The following OSBP2 variants were observed in gnomAD, a reference collection of about 807,000 sequenced individuals.
OSBP2 encodes the protein oxysterol binding protein 2.
Under a neutral mutation model 96.0 loss-of-function variants are expected in OSBP2, and 66 were observed. The observed-to-expected ratio is 0.69, with a 90% confidence interval of 0.56 to 0.84. OSBP2 has a LOEUF of 0.84. Among genes scored for constraint, OSBP2 ranks in the 40% least tolerant of loss-of-function variants. The pLI, the probability that OSBP2 is intolerant of heterozygous loss-of-function variation, is 0.00. For synonymous variants in OSBP2, 525 were observed against 520.9 expected, an observed-to-expected ratio of 1.01 and a Z score of -0.11; for missense variants, 1,038 against 1,222.7, an observed-to-expected ratio of 0.85 and a Z score of 2.25.
At chr22:30,803,094 C>T in intron 2 of OSBP2, 1 of 209,948 alleles carries the variant, frequency 4.8e-6, no homozygotes, top group Non-Finnish European at 9.4e-6. Flanking sequence ...AAGGCGGCGG[C>T]GGCGGCGGCA....
At position 30,870,745 on chromosome 22, in the gene OSBP2, G is replaced by C; in HGVS notation, c.1107+63G>C. 1 of 1,560,096 alleles carries C rather than the reference G, an allele frequency of 6.4e-7. No individual in the cohort carries two copies. Among genetic ancestry groups the C allele is most frequent in the South Asian group, 1.2e-5 (1 of 86,336 alleles). On this transcript the variant is annotated intron_variant, in intron 3 of 13. Transcript: ENST00000332585. This position sits in a 1 kb window ranked among gnomAD's most constrained non-coding sequence, Gnocchi z 4.1. Reference sequence around the variant, plus strand: ...CTGGCTCCAGCCCCGGGGTCCCTCGGTGGGTGACCAGGGTCAGCTTGAAGG... The same window carrying C: ...CTGGCTCCAGCCCCGGGGTCCCTCGCTGGGTGACCAGGGTCAGCTTGAAGG...
intron 2 of OSBP2, among the ~76,000 whole-genome samples, chr22:30,815,527 G>C (rs2091073293): frequency 6.6e-6 from 1 of 152,146 alleles, no homozygotes; most frequent in Admixed American, 6.5e-5. Flanking sequence ...AAGACTGCAT[G>C]GTGTGATAGA....
chr22:30,776,885 T>C (rs752100839), intron 2 of OSBP2, among the ~76,000 whole-genome samples: 15 of 152,214 alleles, frequency 9.9e-5, no homozygotes, highest in Non-Finnish European at 1.6e-4. Context: ...GTGACCTGGA[T>C]GTGAGACCTG....
chr22:30,780,297 T>TAGC (rs2090500173), intron 2 of OSBP2, among the ~76,000 whole-genome samples: 1 of 152,194 alleles, frequency 6.6e-6, no homozygotes, highest in Admixed American at 6.5e-5. Flanking sequence ...GAAGATCCAG[T>TAGC]AGCATGTCCT....
chr22:30,830,391 C>G (rs571202837), intron 2 of OSBP2, among the ~76,000 whole-genome samples: 1 of 152,238 alleles, frequency 6.6e-6, no homozygotes, highest in African/African-American at 2.4e-5. Context: ...ACCTGGACAG[C>G]GCCCTGGGGC....
At position 30,902,120 on chromosome 22, in the gene OSBP2, A is replaced by C. The variant is rs1250617824; in HGVS notation, c.2376-3717A>C. On this transcript the variant is annotated intron_variant, in intron 12 of 13. Coordinates refer to ENST00000332585, the MANE Select transcript of OSBP2 (RefSeq NM_030758.4). ...ATCTTAGCAATATAAGAAAAAAAAA[A>C]AAAACGAAAAAAAAAAAACCAAAAA... 3.1e-5 allele frequency: 7 copies of C among 222,472 alleles called. No homozygotes were observed. The Admixed American group carries it at 4.8e-4, about 15-fold the overall frequency. The allele number at this position is 222,472 out of a possible 1,614,324, so 13.8% of individuals were successfully genotyped here. A position where few individuals can be genotyped will look rare whatever the true frequency, so the allele number is the denominator to read the frequency against.
At chr22:30,864,598 C>T (rs1279250566) in intron 2 of OSBP2, among the ~76,000 whole-genome samples, 2 of 152,090 alleles carry the variant, frequency 1.3e-5, no homozygotes, top group African/African-American at 4.8e-5. Context: ...ATGTCCTTCC[C>T]CGCCCAGGAC....
intron 2 of OSBP2, among the ~76,000 whole-genome samples, chr22:30,756,357 C>A (rs1312770622): frequency 6.6e-6 from 1 of 152,134 alleles, no homozygotes; most frequent in Admixed American, 6.6e-5. Flanking sequence ...GGTCCCTCTG[C>A]CTCTGTCTCT....
chr22:30,825,113 C>A lies in OSBP2; in HGVS notation c.854-45316C>A, dbSNP rs9621106. On this transcript the variant is annotated intron_variant, in intron 2 of 13. Transcript: ENST00000332585. ...CCTGGGCAATGGCATGTTCAAAGCA[C>A]AGCCCCACTGCTTGCCTGGCCTTCA... is the stretch of plus-strand genomic sequence containing the variant. Among the ~76,000 whole-genome samples the A allele has an allele frequency of 9.6e-3, 1,469 of 152,304 alleles. 18 individuals carry two copies. Among genetic ancestry groups the A allele is most frequent in the African/African-American group, 0.031 (1,268 of 41,554 alleles).
At chr22:30,815,916 C>G (rs1355471540) in intron 2 of OSBP2, among the ~76,000 whole-genome samples, 4 of 152,076 alleles carry the variant, frequency 2.6e-5, no homozygotes, top group African/African-American at 7.2e-5. Flanking sequence ...TATCTTTGTA[C>G]AGAAAGCTTT....
At chr22:30,823,806 CAA>C in intron 2 of OSBP2, among the ~76,000 whole-genome samples, 1 of 152,310 alleles carries the variant, frequency 6.6e-6, no homozygotes, top group South Asian at 2.1e-4. Flanking sequence ...AAATTTCGTC[CAA>C]AGTGTGTGTT....
intron 2 of OSBP2, among the ~76,000 whole-genome samples, chr22:30,863,466 T>C (rs969687706): frequency 2.0e-5 from 3 of 152,096 alleles, no homozygotes; most frequent in Non-Finnish European, 4.4e-5. Flanking sequence ...TGGAATGTCT[T>C]TTTGCATAGC....
rs573904020 is a variant in OSBP2 at position 30,709,381 on chromosome 22, G to A, written c.644+13828G>A. 1.2e-3 allele frequency among the ~76,000 whole-genome samples: 177 copies of A among 152,278 alleles called. 1 individual carries two copies. The highest frequency in any genetic ancestry group is 2.3e-3 in the Non-Finnish European group (155 of 68,026). Reference sequence around the variant, plus strand: ...TTCCTCTCTCCTCTGTAAGGTCTTAGTTTGACAGATGGATCTAGAAAGTTG... The same window carrying A: ...TTCCTCTCTCCTCTGTAAGGTCTTAATTTGACAGATGGATCTAGAAAGTTG... On this transcript the variant is annotated intron_variant, in intron 1 of 13. Transcript: ENST00000332585.
intron 2 of OSBP2, among the ~76,000 whole-genome samples, chr22:30,761,819 G>A (rs1279537090): frequency 1.3e-5 from 2 of 152,168 alleles, no homozygotes; most frequent in Admixed American, 6.5e-5. Flanking sequence ...TGACAGAGGT[G>A]CAGAAACAAT....
intron 2 of OSBP2, among the ~76,000 whole-genome samples, chr22:30,795,431 A>G (rs1198715024): frequency 1.3e-5 from 2 of 151,358 alleles, no homozygotes; most frequent in East Asian, 3.9e-4. Flanking sequence ...TTACATGTAT[A>G]TTAGACTTTT....
At chr22:30,845,247 A>G (rs1378113841) in intron 2 of OSBP2, among the ~76,000 whole-genome samples, 3 of 152,192 alleles carry the variant, frequency 2.0e-5, no homozygotes, top group African/African-American at 2.4e-5. Context: ...TATGGCCAAC[A>G]TGGTGAAACC....
chr22:30,862,874 G>A (rs2039247599), intron 2 of OSBP2, among the ~76,000 whole-genome samples: 1 of 151,806 alleles, frequency 6.6e-6, no homozygotes, highest in Admixed American at 6.6e-5. Flanking sequence ...TCGGGAGGCT[G>A]AGGCAGGAGA....
At chr22:30,840,880 G>A (rs937182851) in intron 2 of OSBP2, among the ~76,000 whole-genome samples, 2 of 151,752 alleles carry the variant, frequency 1.3e-5, no homozygotes, top group South Asian at 2.1e-4. Flanking sequence ...AGTGTACAAC[G>A]TGGGCTAGGC....
At chr22:30,894,636 A>G (rs977846466) in intron 12 of OSBP2, among the ~76,000 whole-genome samples, 1 of 152,374 alleles carries the variant, frequency 6.6e-6, no homozygotes, top group East Asian at 1.9e-4. Context: ...ATTTCTAGCG[A>G]GAGTCCCAAA....
Sources: allele counts gnomAD v4.1 joint callset (sites outside exome capture counted in the v4.1 genomes callset), GRCh38; gene constraint gnomAD v4.1.1; non-coding constraint Gnocchi (gnomAD v3.1); transcripts MANE v1.5; gene names NCBI Gene and HGNC (gene_info 2026-07-23, HGNC 2026-07-21).